The following TAOK1 variants were observed in gnomAD, a reference collection of about 807,000 sequenced individuals.
The protein encoded by TAOK1 is TAO kinase 1.
In TAOK1, 21 loss-of-function variants were observed where a neutral mutation model predicts 138.3. The observed-to-expected ratio is 0.15, with a 90% confidence interval of 0.11 to 0.22. TAOK1 has a LOEUF of 0.22. Among genes scored for constraint, TAOK1 ranks in the 10% least tolerant of loss-of-function variants. The pLI is 1.00. For missense variants in TAOK1, 651 were observed against 1,227.7 expected (o/e 0.53, Z 7.02); for synonymous variants, 361 against 398.4 (o/e 0.91, Z 1.12).
In TAOK1 at chr17:29,545,612, G is replaced by A. The variant is rs901965484; in HGVS notation, c.*2590G>A. 2 of 152,098 alleles carry A rather than the reference G, an allele frequency of 1.3e-5. No homozygotes were observed. The highest frequency in any genetic ancestry group is 1.3e-4 in the Admixed American group (2 of 15,258). 9.4% of individuals were successfully genotyped at this position (152,098 alleles called of 1,614,324 possible). On this transcript the variant is annotated 3_prime_UTR_variant, in exon 20 of 20. Transcript: ENST00000261716. Reference sequence around the variant, plus strand: ...TTAAGTTAACTTTAAAGTATATACAGTTTGCAAAAAATGATTCAAATTAAT... The same window carrying A: ...TTAAGTTAACTTTAAAGTATATACAATTTGCAAAAAATGATTCAAATTAAT...
chr17:29,439,892 T>G (rs1239513253), intron 1 of TAOK1, among the ~76,000 whole-genome samples: 1 of 150,678 alleles, frequency 6.6e-6, no homozygotes, highest in Non-Finnish European at 1.5e-5. Flanking sequence ...AAAAAAATTT[T>G]TTTTTAAGAT....
intron 1 of TAOK1, among the ~76,000 whole-genome samples, chr17:29,397,730 C>CATATATACACGT (rs567712298): frequency 1.1e-5 from 1 of 89,022 alleles, no homozygotes; most frequent in Non-Finnish European, 2.2e-5. Flanking sequence ...TATGTATATA[C>CATATATACACGT]ATATATACAC....
At chr17:29,483,725 T>C (rs968536878) in intron 8 of TAOK1, among the ~76,000 whole-genome samples, 2 of 152,192 alleles carry the variant, frequency 1.3e-5, no homozygotes, top group Non-Finnish European at 2.9e-5. Context: ...AAACAGAGAT[T>C]TGGAGATTAC....
chr17:29,540,378 G>A (rs1268677016), intron 19 of TAOK1, among the ~76,000 whole-genome samples: 1 of 151,690 alleles, frequency 6.6e-6, no homozygotes, highest in Non-Finnish European at 1.5e-5. Context: ...TTGTTTGTTT[G>A]TTTTGAGACT....
intron 1 of TAOK1, among the ~76,000 whole-genome samples, chr17:29,425,264 G>A (rs541516196): frequency 2.0e-5 from 3 of 152,228 alleles, no homozygotes; most frequent in South Asian, 4.1e-4. Flanking sequence ...GTAGAGATGG[G>A]GTTTTAACAT....
intron 1 of TAOK1, among the ~76,000 whole-genome samples, chr17:29,407,174 A>C (rs574780311): frequency 6.6e-6 from 1 of 152,170 alleles, no homozygotes; most frequent in Admixed American, 6.6e-5. Flanking sequence ...ACATACAGGA[A>C]TGGGGACTTG....
At chr17:29,399,896 A>AT (rs923100413) in intron 1 of TAOK1, among the ~76,000 whole-genome samples, 8 of 150,816 alleles carry the variant, frequency 5.3e-5, no homozygotes, top group South Asian at 2.1e-4. Context: ...CACCTGGCTA[A>AT]TTTTTTTTTA....
chr17:29,456,271 C>T (rs1201060677), intron 2 of TAOK1, among the ~76,000 whole-genome samples: 1 of 149,848 alleles, frequency 6.7e-6, no homozygotes, highest in African/African-American at 2.5e-5. Context: ...TCGCTTGAAC[C>T]CGTCCATGAG....
chr17:29,440,777 T>G (rs911211836), intron 1 of TAOK1, among the ~76,000 whole-genome samples: 1 of 152,154 alleles, frequency 6.6e-6, no homozygotes, highest in Non-Finnish European at 1.5e-5. Context: ...GGTTTCACCA[T>G]GTTGGTCAGG....
intron 1 of TAOK1, among the ~76,000 whole-genome samples, chr17:29,401,663 T>C (rs1440318360): frequency 4.3e-5 from 1 of 23,350 alleles, no homozygotes; most frequent in Non-Finnish European, 6.7e-5. Flanking sequence ...TTTTCTTCTC[T>C]TTTTTTTTTT....
chr17:29,422,932 T>TGA (rs992402278), intron 1 of TAOK1, among the ~76,000 whole-genome samples: 3 of 151,996 alleles, frequency 2.0e-5, no homozygotes, highest in African/African-American at 7.2e-5. Context: ...GGCTGAGGCA[T>TGA]GAGAATCACT....
intron 19 of TAOK1, among the ~76,000 whole-genome samples, chr17:29,539,541 A>G (rs1358095484): frequency 6.6e-6 from 1 of 152,108 alleles, no homozygotes; most frequent in Non-Finnish European, 1.5e-5. Context: ...GGTTCAAGCA[A>G]TTCTCCTGCT....
intron 2 of TAOK1, among the ~76,000 whole-genome samples, chr17:29,454,427 CT>C (rs996237034): frequency 1.7e-4 from 25 of 147,902 alleles, no homozygotes; most frequent in African/African-American, 3.7e-4. Context: ...TGAGGATTGG[CT>C]TTTTTTTTTC....
Position 29,463,427 on chromosome 17 carries a change from C to T in TAOK1, c.133-3718C>T, listed in dbSNP as rs149388681. On this transcript the variant is annotated intron_variant, in intron 2 of 19. Transcript: ENST00000261716. ...TTTACTGAAAATAAAAAAAATTAGCCGGGCATGGTGGCATGTGCTTGTAAT... is the reference window on the plus strand; with the variant it reads ...TTTACTGAAAATAAAAAAAATTAGCTGGGCATGGTGGCATGTGCTTGTAAT... 2.9e-3 allele frequency among the ~76,000 whole-genome samples: 447 copies of T among 152,050 alleles called. 1 individual carries two copies. The highest frequency in any genetic ancestry group is 0.01 in the Middle Eastern group (3 of 294).
intron 10 of TAOK1, among the ~76,000 whole-genome samples, chr17:29,494,983 C>A (rs929479738): frequency 2.0e-5 from 3 of 151,968 alleles, no homozygotes; most frequent in Non-Finnish European, 2.9e-5. Flanking sequence ...TAACTGTGAT[C>A]ATCATAATGG....
chr17:29,395,824 ATTTTTTTTTT>A (rs1187461666), intron 1 of TAOK1, among the ~76,000 whole-genome samples: 4 of 72,106 alleles, frequency 5.5e-5, no homozygotes, highest in African/African-American at 2.6e-4. Context: ...CGTCTGGCTA[ATTTTTTTTTT>A]TTTTTTTTTT....
intron 3 of TAOK1, 63 bp downstream of exon 3, chr17:29,467,279 T>TC: frequency 9.1e-7 from 1 of 1,096,848 alleles, no homozygotes. Context: ...ATATATACAT[T>TC]CTTTTTTTTT....
intron 1 of TAOK1, among the ~76,000 whole-genome samples, chr17:29,429,031 G>T (rs981901338): frequency 1.2e-4 from 18 of 152,048 alleles, no homozygotes; most frequent in Non-Finnish European, 2.4e-4. Context: ...GAGAATTTTT[G>T]ATTATTTTTT....
intron 7 of TAOK1, 69 bp from the exon 8 acceptor site, chr17:29,482,128 T>G: frequency 4.4e-6 from 5 of 1,136,716 alleles, no homozygotes; most frequent in Non-Finnish European, 6.4e-6. Flanking sequence ...TGTAGATGAC[T>G]GTTACATTCT....
Sources: gnomAD v4.1 joint callset for allele counts (sites outside exome capture counted in the v4.1 genomes callset) on GRCh38, gnomAD v4.1.1 for gene constraint, MANE v1.5 for transcripts, NCBI Gene and HGNC (gene_info 2026-07-23, HGNC 2026-07-21) for gene names.